The following ZPBP variants were observed in gnomAD, a reference collection of about 807,000 sequenced individuals.
ZPBP encodes zona pellucida binding protein.
A neutral mutation model predicts 44.8 loss-of-function variants in ZPBP; 26 were observed. The observed-to-expected ratio is 0.58, with a 90% CI of 0.43 to 0.81. The LOEUF is 0.81. Ranked by LOEUF, ZPBP falls within the 30% of genes least tolerant of loss-of-function variation. ZPBP has a pLI of 0.00. For missense variants in ZPBP, 409 were observed against 434.0 expected, an observed-to-expected ratio of 0.94 and a Z score of 0.51; for synonymous variants, 174 against 153.2, an observed-to-expected ratio of 1.14 and a Z score of -1.00.
intron 7 of ZPBP, among the ~76,000 whole-genome samples, chr7:49,964,794 G>C (rs991404640): frequency 6.6e-6 from 1 of 152,090 alleles, no homozygotes; most frequent in Admixed American, 6.6e-5. Flanking sequence ...TTCAGCAGTG[G>C]GGTCTGAGTT....
intron 2 of ZPBP, among the ~76,000 whole-genome samples, chr7:49,877,530 A>G (rs1409171425): frequency 4.6e-5 from 5 of 107,772 alleles, no homozygotes; most frequent in African/African-American, 1.7e-4. Context: ...TTATTTGGTC[A>G]CTTGCTTACC....
intron 7 of ZPBP, among the ~76,000 whole-genome samples, chr7:49,950,731 C>T (rs977463533): frequency 6.6e-6 from 1 of 151,466 alleles, no homozygotes; most frequent in Non-Finnish European, 1.5e-5. Flanking sequence ...TTTTTCATGC[C>T]TATGAGACAG....
intron 2 of ZPBP, among the ~76,000 whole-genome samples, chr7:49,879,487 G>A (rs1791581408): frequency 6.6e-6 from 1 of 152,138 alleles, no homozygotes; most frequent in Non-Finnish European, 1.5e-5. Context: ...CACCAAGCAT[G>A]GCATATAATA....
intron 2 of ZPBP, among the ~76,000 whole-genome samples, chr7:49,880,037 C>A (rs1406339400): frequency 6.6e-6 from 1 of 152,218 alleles, no homozygotes; most frequent in East Asian, 1.9e-4. Flanking sequence ...ATCATTTTCT[C>A]CCAACTAAAA....
chr7:49,944,918 G>A (rs1331145000), intron 7 of ZPBP, among the ~76,000 whole-genome samples: 2 of 151,376 alleles, frequency 1.3e-5, no homozygotes, highest in Non-Finnish European at 2.9e-5. Context: ...TGTTTTTCTA[G>A]TTCTTTAAGA....
chr7:49,911,764 G>T (rs1164954484), intron 1 of ZPBP, among the ~76,000 whole-genome samples: 1 of 151,824 alleles, frequency 6.6e-6, no homozygotes, highest in Non-Finnish European at 1.5e-5. Flanking sequence ...GGGTATAGTG[G>T]CATGCCCCTG....
intron 1 of ZPBP, among the ~76,000 whole-genome samples, chr7:50,090,898 AT>A (rs1250417281): frequency 6.6e-6 from 1 of 152,056 alleles, no homozygotes; most frequent in Non-Finnish European, 1.5e-5. Flanking sequence ...ACAATTTTCC[AT>A]AGTGGTTGTA....
chr7:50,054,418 T>C (rs1007157692), intron 4 of ZPBP, among the ~76,000 whole-genome samples: 1 of 152,132 alleles, frequency 6.6e-6, no homozygotes, highest in African/African-American at 2.4e-5. Context: ...AAGATGACAG[T>C]GGAATTGAAA....
At chr7:49,870,608 T>G (rs1170222544) in intron 2 of ZPBP, among the ~76,000 whole-genome samples, 1 of 152,158 alleles carries the variant, frequency 6.6e-6, no homozygotes, top group Non-Finnish European at 1.5e-5. Context: ...TTTTCACACC[T>G]GCACAGGGAA....
chr7:50,082,902 C>T (rs1358346807), intron 2 of ZPBP, among the ~76,000 whole-genome samples: 3 of 151,450 alleles, frequency 2.0e-5, no homozygotes, highest in Non-Finnish European at 4.4e-5. Flanking sequence ...AAATGCTTAC[C>T]CCATAAATTT....
intron 2 of ZPBP, among the ~76,000 whole-genome samples, chr7:49,854,617 T>C (rs1216001615): frequency 6.6e-6 from 1 of 152,228 alleles, no homozygotes; most frequent in African/African-American, 2.4e-5. Flanking sequence ...ATATTAGCCC[T>C]TTGTCAGATA....
At chr7:49,964,903 T>C (rs942967617) in intron 7 of ZPBP, among the ~76,000 whole-genome samples, 4 of 152,230 alleles carry the variant, frequency 2.6e-5, no homozygotes, top group South Asian at 4.1e-4. Flanking sequence ...ATTTCTATTG[T>C]TTCCTTAGGA....
chr7:49,865,926 T>C (rs1448422126), intron 2 of ZPBP, among the ~76,000 whole-genome samples: 1 of 152,262 alleles, frequency 6.6e-6, no homozygotes, highest in Non-Finnish European at 1.5e-5. Context: ...CAAGCCCATT[T>C]GTCCAGTTGA....
chr7:50,019,721 C>A (rs1798999771), intron 5 of ZPBP, among the ~76,000 whole-genome samples: 2 of 151,964 alleles, frequency 1.3e-5, no homozygotes, highest in South Asian at 4.1e-4. Flanking sequence ...TGGTGTGAAA[C>A]TTCACTCTTG....
intron 7 of ZPBP, among the ~76,000 whole-genome samples, chr7:49,939,059 T>G (rs1220624097): frequency 6.6e-6 from 1 of 152,140 alleles, no homozygotes; most frequent in Non-Finnish European, 1.5e-5. Flanking sequence ...TTTCCTCCAG[T>G]GATAACAACA....
chr7:50,048,920 T>C (rs1026014593), intron 4 of ZPBP, among the ~76,000 whole-genome samples: 4 of 151,800 alleles, frequency 2.6e-5, no homozygotes, highest in African/African-American at 9.7e-5. Context: ...ATCAACAGAA[T>C]TGATCAAATT....
At chr7:49,874,499 T>A (rs1791312165) in intron 2 of ZPBP, among the ~76,000 whole-genome samples, 1 of 151,948 alleles carries the variant, frequency 6.6e-6, no homozygotes, top group Non-Finnish European at 1.5e-5. Context: ...TCACAAAACA[T>A]CACATTTCTC....
chr7:49,857,173 C>G (rs1790460260), intron 2 of ZPBP, among the ~76,000 whole-genome samples: 1 of 152,074 alleles, frequency 6.6e-6, no homozygotes, highest in African/African-American at 2.4e-5. Flanking sequence ...ACCCATTCAA[C>G]AACTTTCTAC....
intron 6 of ZPBP, among the ~76,000 whole-genome samples, chr7:49,988,283 C>T (rs1797408775): frequency 6.6e-6 from 1 of 152,098 alleles, no homozygotes; most frequent in Admixed American, 6.5e-5. Context: ...AAGCCTCTAA[C>T]ATACTTAACA....
Sources: allele counts gnomAD v4.1 joint callset (sites outside exome capture counted in the v4.1 genomes callset), GRCh38; gene constraint gnomAD v4.1.1; transcripts MANE v1.5; gene names NCBI Gene and HGNC (gene_info 2026-07-23, HGNC 2026-07-21).